Variants in SLCO6A1 observed in about 807,000 individuals in gnomAD.
SLCO6A1 encodes cancer/testis antigen 48.
A neutral mutation model predicts 72.7 loss-of-function variants in SLCO6A1; 65 were observed. The ratio of observed to expected loss-of-function variants is 0.89; its 90% CI spans 0.73 to 1.10. The LOEUF (loss-of-function observed/expected upper bound fraction) is 1.10, where lower values mean the gene tolerates loss of function less well. SLCO6A1 is among the 50% of genes least tolerant of loss of function. The pLI, the probability that SLCO6A1 is intolerant of heterozygous loss-of-function variation, is 0.00. For missense variants in SLCO6A1, 874 were observed against 872.6 expected (o/e 1.00, Z -0.02); for synonymous variants, 314 against 298.2 (o/e 1.05, Z -0.55).
intron 1 of SLCO6A1, among the ~76,000 whole-genome samples, chr5:102,485,289 T>TAAATAAATA (rs1554076516): frequency 7.0e-6 from 1 of 143,524 alleles, no homozygotes; most frequent in Admixed American, 6.9e-5. Flanking sequence ...AATAAATAAA[T>TAAATAAATA]AAATAAAATA....
chr5:102,381,333 T>A (rs1306259206), intron 12 of SLCO6A1, among the ~76,000 whole-genome samples: 5 of 151,864 alleles, frequency 3.3e-5, no homozygotes, highest in Non-Finnish European at 7.4e-5. Context: ...TATTTGTTTT[T>A]CTATGCCTAG....
Position 102,498,783 on chromosome 5 carries a change from G to A in SLCO6A1, c.62C>T (p.Pro21Leu). ...AGGCTGGGCCCGCGCGGCCTCCAGC[G>A]GCTCTACTCCCCTTGAGACTTCATC... Reference protein sequence around the residue: ...SQDEVSRGVEPLEAARAQPAK... With the variant: ...SQDEVSRGVELLEAARAQPAK... The change falls in exon 1 of 14, where the codon CCG becomes CTG. Residue 21 changes from proline (P) to leucine (L), a missense_variant. Transcript: ENST00000506729. 1.2e-6 allele frequency: 2 copies of A among 1,614,000 alleles called. No individual in the cohort carries two copies. Among genetic ancestry groups the A allele is most frequent in the Non-Finnish European group, 1.7e-6 (2 of 1,180,022 alleles).
chr5:102,439,949 A>C lies in SLCO6A1; in HGVS notation c.1132-1188T>G, dbSNP rs559790971. Among the ~76,000 whole-genome samples, 318 of 152,306 alleles carry C rather than the reference A, an allele frequency of 2.1e-3. 4 individuals carry two copies. Among genetic ancestry groups the C allele is most frequent in the Non-Finnish European group, 1.6e-3 (110 of 68,026 alleles). On this transcript the variant is annotated intron_variant, in intron 6 of 13. Coordinates refer to ENST00000506729, the MANE Select transcript of SLCO6A1 (RefSeq NM_173488.5). The stretch of plus-strand genomic sequence containing the variant: ...TCATTTCCACATAAAAAGGTCATTA[A>C]ACTTGGAAAGGCTTTCTAATTGTCA...
At chr5:102,377,319 C>T (rs946019575) in intron 12 of SLCO6A1, among the ~76,000 whole-genome samples, 1 of 152,062 alleles carries the variant, frequency 6.6e-6, no homozygotes, top group Non-Finnish European at 1.5e-5. Context: ...CAAGCTAATG[C>T]TGTAGAAAGA....
intron 7 of SLCO6A1, among the ~76,000 whole-genome samples, chr5:102,421,146 G>T (rs1748575134): frequency 6.6e-6 from 1 of 152,104 alleles, no homozygotes; most frequent in African/African-American, 2.4e-5. Context: ...TCCCTCGGGT[G>T]CCTACACCAC....
intron 7 of SLCO6A1, among the ~76,000 whole-genome samples, chr5:102,431,183 CT>C (rs1749198338): frequency 6.7e-6 from 1 of 150,280 alleles, no homozygotes; most frequent in Non-Finnish European, 1.5e-5. Flanking sequence ...GATCTTCTCT[CT>C]TATTAATTTT....
At chr5:102,484,199 T>G (rs116195558) in intron 1 of SLCO6A1, among the ~76,000 whole-genome samples, 2,674 of 152,314 alleles carry the variant, frequency 0.018, 55 homozygotes, top group African/African-American at 0.048. Flanking sequence ...GGATTTCTAG[T>G]GAACCATAAT....
intron 4 of SLCO6A1, among the ~76,000 whole-genome samples, chr5:102,469,118 G>C (rs1434456283): frequency 6.6e-6 from 1 of 151,668 alleles, no homozygotes; most frequent in Non-Finnish European, 1.5e-5. Context: ...TGTTCTTTTT[G>C]CTTAGGATTG....
At chr5:102,402,767 TC>T (rs1330415847) in intron 9 of SLCO6A1, among the ~76,000 whole-genome samples, 1 of 152,194 alleles carries the variant, frequency 6.6e-6, no homozygotes, top group Non-Finnish European at 1.5e-5. Context: ...CACTTAATGA[TC>T]CCACTTGTTA....
chr5:102,417,970 G>C (rs911662961), intron 8 of SLCO6A1, among the ~76,000 whole-genome samples: 4 of 150,368 alleles, frequency 2.7e-5, no homozygotes, highest in African/African-American at 9.8e-5. Context: ...ACTCCAGCTT[G>C]GGTGACAAGA....
intron 6 of SLCO6A1, among the ~76,000 whole-genome samples, chr5:102,457,963 A>C (rs1268815577): frequency 2.0e-5 from 3 of 152,180 alleles, no homozygotes; most frequent in Non-Finnish European, 4.4e-5. Context: ...GACATGGATG[A>C]AGCTGGAAAC....
intron 8 of SLCO6A1, among the ~76,000 whole-genome samples, chr5:102,414,470 T>C (rs1173867270): frequency 6.6e-6 from 1 of 152,198 alleles, no homozygotes; most frequent in African/African-American, 2.4e-5. Flanking sequence ...GATACAATCT[T>C]AGGCCTAGAA....
intron 12 of SLCO6A1, among the ~76,000 whole-genome samples, chr5:102,375,775 G>A (rs537373074): frequency 5.1e-4 from 77 of 152,060 alleles, no homozygotes; most frequent in Non-Finnish European, 8.2e-4. Flanking sequence ...ATAACAGAGC[G>A]TCCAAGATAC....
At chr5:102,386,833 G>A (rs1443101206) in intron 12 of SLCO6A1, among the ~76,000 whole-genome samples, 1 of 152,158 alleles carries the variant, frequency 6.6e-6, no homozygotes, top group Non-Finnish European at 1.5e-5. Context: ...GTATTTTACT[G>A]AGACAGACTT....
chr5:102,478,350 C>T (rs1752020159), intron 2 of SLCO6A1, among the ~76,000 whole-genome samples: 1 of 151,952 alleles, frequency 6.6e-6, no homozygotes, highest in Admixed American at 6.6e-5. Flanking sequence ...GACTTTTGAC[C>T]CTAGGCTAAA....
chr5:102,419,398 T>C (rs921491544), intron 8 of SLCO6A1, among the ~76,000 whole-genome samples: 2 of 152,210 alleles, frequency 1.3e-5, no homozygotes, highest in Non-Finnish European at 1.5e-5. Flanking sequence ...AATTTTGGCA[T>C]GTTTAGCTTA....
At chr5:102,460,053 G>C (rs1170811522) in intron 4 of SLCO6A1, among the ~76,000 whole-genome samples, 2 of 147,570 alleles carry the variant, frequency 1.4e-5, no homozygotes, top group Middle Eastern at 3.5e-3. Context: ...AAAAGTACTT[G>C]TTTCTTCCTA....
chr5:102,466,437 T>C (rs1031113914), intron 4 of SLCO6A1, among the ~76,000 whole-genome samples: 3 of 152,168 alleles, frequency 2.0e-5, no homozygotes, highest in Non-Finnish European at 2.9e-5. Context: ...TGATGGGCAT[T>C]TAGATCAATT....
chr5:102,458,564 CACCCTA>C (rs1241365267), intron 5 of SLCO6A1, 73 bp from the exon 6 acceptor site: 18 of 928,126 alleles, frequency 1.9e-5, no homozygotes, highest in Non-Finnish European at 2.6e-5. Flanking sequence ...CCTACATACA[CACCCTA>C]ATAAATTCAA....
Sources: gnomAD v4.1 joint callset for allele counts (sites outside exome capture counted in the v4.1 genomes callset) on GRCh38, gnomAD v4.1.1 for gene constraint, MANE v1.5 for transcripts, NCBI Gene and HGNC (gene_info 2026-07-23, HGNC 2026-07-21) for gene names.